RBMS3: variants seen among roughly 807,000 people sequenced by gnomAD.
RBMS3 encodes the protein RNA binding motif single stranded interacting protein 3, also known as RNA-binding motif, single-stranded-interacting protein 3.
RBMS3 carries 27 observed loss-of-function variants against 66.8 expected under a neutral mutation model. That is an observed-to-expected ratio of 0.40 (90% confidence interval 0.30 to 0.56). The LOEUF (loss-of-function observed/expected upper bound fraction) is 0.56, where lower values mean the gene tolerates loss of function less well. Ranked by LOEUF, RBMS3 falls within the 20% of genes least tolerant of loss-of-function variation. The pLI, the probability that RBMS3 is intolerant of heterozygous loss-of-function variation, is 0.40. For synonymous variants in RBMS3, 188 were observed against 183.0 expected (o/e 1.03, Z -0.22); for missense variants, 513 against 549.5 (o/e 0.93, Z 0.66).
intron 1 of RBMS3, among the ~76,000 whole-genome samples, chr3:29,302,083 C>T (rs888873259): frequency 2.0e-5 from 3 of 151,984 alleles, no homozygotes; most frequent in Admixed American, 2.0e-4. Flanking sequence ...GGTCATGGCT[C>T]ACTGCAGCCT....
intron 4 of RBMS3, among the ~76,000 whole-genome samples, chr3:29,681,247 T>C (rs2051478898): frequency 6.6e-6 from 1 of 152,210 alleles, no homozygotes; most frequent in Non-Finnish European, 1.5e-5. Context: ...ATGAAAAAAA[T>C]GTACAAAGAG....
intron 3 of RBMS3, among the ~76,000 whole-genome samples, chr3:29,517,320 T>TA (rs1491218176): frequency 6.3e-4 from 67 of 105,562 alleles, no homozygotes; most frequent in South Asian, 1.2e-3. Context: ...TATATATATA[T>TA]TTTTTTTTTG....
At chr3:29,447,860 T>C (rs2041887114) in intron 2 of RBMS3, among the ~76,000 whole-genome samples, 1 of 152,236 alleles carries the variant, frequency 6.6e-6, no homozygotes, top group African/African-American at 2.4e-5. Context: ...ATAAACAGAA[T>C]GGCCTTTATT....
intron 12 of RBMS3, among the ~76,000 whole-genome samples, chr3:29,962,550 TC>T (rs1696543755): frequency 7.9e-6 from 1 of 126,518 alleles, no homozygotes; most frequent in African/African-American, 3.8e-5. Flanking sequence ...GGGTCAAGAC[TC>T]ATATATATAT....
intron 1 of RBMS3, among the ~76,000 whole-genome samples, chr3:29,287,316 G>T (rs1306646271): frequency 6.6e-6 from 1 of 152,074 alleles, no homozygotes; most frequent in Non-Finnish European, 1.5e-5. Flanking sequence ...TATTCCCATT[G>T]AGTACACATT....
In RBMS3 at chr3:29,930,109, C is replaced by CT. The variant is rs775548425; in HGVS notation, c.940-5957dup. On this transcript the variant is annotated intron_variant, in intron 10 of 14. Coordinates refer to ENST00000383767, the MANE Select transcript of RBMS3 (RefSeq NM_001003793.3). ...TACTTTGTGTCACTTTTCTTTCTTTCTTTTTTTTTTTTTTTTTTTTGAGAT... is the reference window on the plus strand; with the variant it reads ...TACTTTGTGTCACTTTTCTTTCTTTCTTTTTTTTTTTTTTTTTTTTTGAGAT... Among the ~76,000 whole-genome samples the CT allele has an allele frequency of 1.4e-3, 61 of 43,576 alleles. 4 individuals are homozygous for CT. The highest frequency in any genetic ancestry group is 5.0e-3 in the South Asian group (4 of 806). 28.6% of individuals were successfully genotyped at this position (43,576 alleles called of 152,430 possible).
At chr3:29,755,795 T>C (rs1038735773) in intron 5 of RBMS3, among the ~76,000 whole-genome samples, 1 of 152,134 alleles carries the variant, frequency 6.6e-6, no homozygotes, top group African/African-American at 2.4e-5. Context: ...CAAGCTTCCA[T>C]AGGCAGAACC....
At chr3:29,415,960 C>T (rs970997201) in intron 1 of RBMS3, among the ~76,000 whole-genome samples, 1 of 152,028 alleles carries the variant, frequency 6.6e-6, no homozygotes, top group African/African-American at 2.4e-5. Flanking sequence ...CAAAAAAGGA[C>T]ATGAAGGGGC....
chr3:29,904,418 G>T (rs906114493), intron 10 of RBMS3, among the ~76,000 whole-genome samples: 2 of 151,784 alleles, frequency 1.3e-5, no homozygotes, highest in South Asian at 4.2e-4. Context: ...TACAAATGTT[G>T]TATTATGATT....
chr3:29,492,765 A>G (rs907660607), intron 3 of RBMS3, among the ~76,000 whole-genome samples: 5 of 152,204 alleles, frequency 3.3e-5, no homozygotes, highest in Non-Finnish European at 5.9e-5. Flanking sequence ...AGGGCTACAA[A>G]GGAAGTAGTG....
chr3:29,287,445 T>G (rs1184750392), intron 1 of RBMS3, among the ~76,000 whole-genome samples: 1 of 152,102 alleles, frequency 6.6e-6, no homozygotes, highest in African/African-American at 2.4e-5. Context: ...AAGAAAAGTA[T>G]TAGGCAATAA....
intron 1 of RBMS3, among the ~76,000 whole-genome samples, chr3:29,378,918 T>A (rs2038625921): frequency 6.6e-6 from 1 of 152,242 alleles, no homozygotes; most frequent in African/African-American, 2.4e-5. Flanking sequence ...TCAATGGTAT[T>A]TGGGAGACTA....
At chr3:29,476,969 C>T (rs1211209091) in intron 2 of RBMS3, among the ~76,000 whole-genome samples, 3 of 152,124 alleles carry the variant, frequency 2.0e-5, no homozygotes, top group Non-Finnish European at 4.4e-5. Context: ...AGAAATACAT[C>T]ATTGAGTTAT....
At chr3:29,509,488 G>C (rs748336243) in intron 3 of RBMS3, among the ~76,000 whole-genome samples, 5 of 152,158 alleles carry the variant, frequency 3.3e-5, no homozygotes, top group Non-Finnish European at 5.9e-5. Flanking sequence ...ACTTGCCTAA[G>C]TTGCCATAAC....
chr3:29,809,072 A>T (rs1433923495), intron 6 of RBMS3, among the ~76,000 whole-genome samples: 1 of 151,992 alleles, frequency 6.6e-6, no homozygotes, highest in Non-Finnish European at 1.5e-5. Context: ...ATATCTAGTT[A>T]GTACTGATTT....
chr3:29,326,218 T>A (rs1265595287), intron 1 of RBMS3, among the ~76,000 whole-genome samples: 2 of 152,136 alleles, frequency 1.3e-5, no homozygotes, highest in Non-Finnish European at 2.9e-5. Context: ...GGCTACATAA[T>A]ATATATGGAC....
intron 1 of RBMS3, among the ~76,000 whole-genome samples, chr3:29,423,649 T>C (rs906431122): frequency 2.0e-5 from 3 of 152,226 alleles, no homozygotes; most frequent in Non-Finnish European, 4.4e-5. Flanking sequence ...CTTTCTGTGA[T>C]GATGAGAATG....
chr3:29,510,163 C>T (rs2044340638), intron 3 of RBMS3, among the ~76,000 whole-genome samples: 1 of 152,204 alleles, frequency 6.6e-6, no homozygotes, highest in Non-Finnish European at 1.5e-5. Flanking sequence ...TGCTTCAAAC[C>T]TGTATGTGAC....
chr3:29,691,416 T>G (rs1264695547), intron 4 of RBMS3, among the ~76,000 whole-genome samples: 4 of 152,154 alleles, frequency 2.6e-5, no homozygotes. Context: ...ATGAACTTTC[T>G]CTGCTCTAGT....
Sources: allele counts gnomAD v4.1 joint callset (sites outside exome capture counted in the v4.1 genomes callset), GRCh38; gene constraint gnomAD v4.1.1; transcripts MANE v1.5; gene names NCBI Gene and HGNC (gene_info 2026-07-23, HGNC 2026-07-21).